The following SLC2A13 variants were observed in gnomAD, a reference collection of about 807,000 sequenced individuals.
The protein encoded by SLC2A13 is solute carrier family 2 member 13.
A neutral mutation model predicts 64.4 loss-of-function variants in SLC2A13; 32 were observed. That is an observed-to-expected ratio of 0.50 (90% CI 0.37 to 0.67). The LOEUF is 0.67. SLC2A13 is among the 30% of genes least tolerant of loss of function. The pLI is 0.00. For synonymous variants in SLC2A13, 338 were observed against 327.1 expected (o/e 1.03, Z -0.36); for missense variants, 743 against 829.2 (o/e 0.90, Z 1.28).
At chr12:40,058,903 C>T (rs1948375190) in intron 1 of SLC2A13, among the ~76,000 whole-genome samples, 1 of 152,160 alleles carries the variant, frequency 6.6e-6, no homozygotes, top group Non-Finnish European at 1.5e-5. Context: ...CTCTCTTAGG[C>T]TGGCTTTAGA....
chr12:40,052,466 C>CA (rs1345971139), intron 1 of SLC2A13, among the ~76,000 whole-genome samples: 8 of 150,852 alleles, frequency 5.3e-5, no homozygotes, highest in African/African-American at 1.9e-4. Flanking sequence ...AAGTTAAGAC[C>CA]AAAAAAGACA....
At chr12:39,955,311 A>G (rs1456150033) in intron 3 of SLC2A13, among the ~76,000 whole-genome samples, 1 of 152,228 alleles carries the variant, frequency 6.6e-6, no homozygotes, top group East Asian at 1.9e-4. Context: ...CACATAGCCT[A>G]TAAAAATTTG....
At chr12:39,928,771 T>C (rs1945772440) in intron 4 of SLC2A13, among the ~76,000 whole-genome samples, 1 of 152,152 alleles carries the variant, frequency 6.6e-6, no homozygotes, top group South Asian at 2.1e-4. Context: ...AGACAAGTGG[T>C]GACTGGCTTA....
intron 3 of SLC2A13, among the ~76,000 whole-genome samples, chr12:40,007,301 C>G (rs981995148): frequency 3.3e-5 from 5 of 152,108 alleles, no homozygotes; most frequent in Admixed American, 6.5e-5. Context: ...ACTTGCATTA[C>G]TTTTAAAGAT....
At chr12:39,892,602 A>G (rs952869590) in intron 4 of SLC2A13, among the ~76,000 whole-genome samples, 1 of 152,214 alleles carries the variant, frequency 6.6e-6, no homozygotes, top group Admixed American at 6.5e-5. Context: ...TAAACAATAA[A>G]CTTATTTCTT....
At chr12:39,941,482 G>A (rs1946024771) in intron 4 of SLC2A13, among the ~76,000 whole-genome samples, 1 of 152,116 alleles carries the variant, frequency 6.6e-6, no homozygotes, top group East Asian at 1.9e-4. Context: ...GAGTAAGGTG[G>A]TATTGCATTG....
chr12:39,994,660 T>A (rs1201828114), intron 3 of SLC2A13, among the ~76,000 whole-genome samples: 1 of 152,184 alleles, frequency 6.6e-6, no homozygotes, highest in Non-Finnish European at 1.5e-5. Context: ...GCTTTTCATC[T>A]ACCTGGGCGT....
intron 3 of SLC2A13, among the ~76,000 whole-genome samples, chr12:39,956,381 T>C (rs1946314639): frequency 6.6e-6 from 1 of 152,146 alleles, no homozygotes; most frequent in South Asian, 2.1e-4. Flanking sequence ...TGGTAATGGT[T>C]TCATGGTGTT....
intron 2 of SLC2A13, among the ~76,000 whole-genome samples, chr12:40,033,963 A>C (rs1947940892): frequency 6.6e-6 from 1 of 152,122 alleles, no homozygotes; most frequent in African/African-American, 2.4e-5. Context: ...TGCATCCCGC[A>C]TTTGTGCTCT....
rs1286982676 is a variant in SLC2A13 at position 39,757,025 on chromosome 12, C to G, written c.*3001G>C. 1 of 151,436 alleles carries G rather than the reference C, an allele frequency of 6.6e-6. No individual in the cohort carries two copies. The highest frequency in any genetic ancestry group is 2.4e-5 in the African/African-American group (1 of 41,308). 9.4% of individuals were successfully genotyped at this position (151,436 alleles called of 1,614,324 possible). On this transcript the variant is annotated 3_prime_UTR_variant, in exon 10 of 10. Transcript: ENST00000280871. Reference sequence around the variant, plus strand: ...TAATCATGTTTTGGGAAATGATTGACTAAGGAGCAACAATCAAAATTATTA... The same window carrying G: ...TAATCATGTTTTGGGAAATGATTGAGTAAGGAGCAACAATCAAAATTATTA...
intron 1 of SLC2A13, among the ~76,000 whole-genome samples, chr12:40,100,260 G>T (rs1402658841): frequency 6.6e-6 from 1 of 152,204 alleles, no homozygotes; most frequent in East Asian, 1.9e-4. Context: ...CGAATCCCGT[G>T]CTGTATAAAT....
chr12:39,938,283 G>A (rs1945952447), intron 4 of SLC2A13, among the ~76,000 whole-genome samples: 1 of 152,088 alleles, frequency 6.6e-6, no homozygotes, highest in African/African-American at 2.4e-5. Context: ...AGCTTGTGGA[G>A]TTTACACAGA....
At chr12:39,925,030 ATTTTTTTT>A (rs58902176) in intron 4 of SLC2A13, among the ~76,000 whole-genome samples, 7 of 119,130 alleles carry the variant, frequency 5.9e-5, no homozygotes, top group African/African-American at 1.8e-4. Flanking sequence ...CATACAGATA[ATTTTTTTT>A]TTTTTTTTTT....
chr12:39,993,020 T>C (rs750553216), intron 3 of SLC2A13, among the ~76,000 whole-genome samples: 1 of 152,178 alleles, frequency 6.6e-6, no homozygotes, highest in Non-Finnish European at 1.5e-5. Flanking sequence ...TACATACATA[T>C]ACATGTAATA....
intron 6 of SLC2A13, among the ~76,000 whole-genome samples, chr12:39,858,627 G>T (rs1943670882): frequency 6.6e-6 from 1 of 152,192 alleles, no homozygotes; most frequent in South Asian, 2.1e-4. Context: ...GTTTGTTTGA[G>T]ATGGAGTCTT....
chr12:39,774,793 C>CAATTATATTAGATGCAA, intron 7 of SLC2A13, among the ~76,000 whole-genome samples: 1 of 152,126 alleles, frequency 6.6e-6, no homozygotes, highest in Non-Finnish European at 1.5e-5. Flanking sequence ...TATTATTTAT[C>CAATTATATTAGATGCAA]TATAAATCAT....
At chr12:39,838,997 A>T (rs1943105087) in intron 6 of SLC2A13, among the ~76,000 whole-genome samples, 1 of 152,094 alleles carries the variant, frequency 6.6e-6, no homozygotes, top group South Asian at 2.1e-4. Flanking sequence ...CCACAGGTCC[A>T]ATTTCATTTT....
At chr12:39,838,637 C>T (rs1172109553) in intron 6 of SLC2A13, among the ~76,000 whole-genome samples, 1 of 151,724 alleles carries the variant, frequency 6.6e-6, no homozygotes, top group African/African-American at 2.4e-5. Context: ...AAGAGCAGGA[C>T]AAAAGGCTGC....
chr12:39,992,961 T>A (rs1227553997), intron 3 of SLC2A13, among the ~76,000 whole-genome samples: 1 of 152,216 alleles, frequency 6.6e-6, no homozygotes, highest in African/African-American at 2.4e-5. Flanking sequence ...CATTTTTCAA[T>A]TTGCTGACTT....
Sources: allele counts gnomAD v4.1 joint callset (sites outside exome capture counted in the v4.1 genomes callset), GRCh38; gene constraint gnomAD v4.1.1; transcripts MANE v1.5; gene names NCBI Gene and HGNC (gene_info 2026-07-23, HGNC 2026-07-21).